EPHA6: variants seen among roughly 807,000 people sequenced by gnomAD.
EPHA6 encodes ephrin type-A receptor 6.
In EPHA6, 50 loss-of-function variants were observed where a neutral mutation model predicts 112.0. The ratio of observed to expected loss-of-function variants is 0.45; its 90% CI spans 0.36 to 0.56. The LOEUF is 0.56. Among genes scored for constraint, EPHA6 ranks in the 20% least tolerant of loss-of-function variants. EPHA6 has a pLI of 0.00. For synonymous variants in EPHA6, 529 were observed against 490.7 expected (o/e 1.08, Z -1.03); for missense variants, 1,280 against 1,417.4 (o/e 0.90, Z 1.56).
At chr3:97,294,766 G>A (rs937138783) in intron 5 of EPHA6, among the ~76,000 whole-genome samples, 2 of 152,092 alleles carry the variant, frequency 1.3e-5, no homozygotes, top group Admixed American at 6.5e-5. Flanking sequence ...TAGGACTTAA[G>A]CATTTATTAT....
At chr3:97,535,234 A>C (rs1280670375) in intron 11 of EPHA6, among the ~76,000 whole-genome samples, 2 of 151,764 alleles carry the variant, frequency 1.3e-5, no homozygotes, top group Non-Finnish European at 2.9e-5. Flanking sequence ...TAAGAATCTC[A>C]TCTAGAAATG....
At chr3:96,947,924 A>G (rs1391553953) in intron 2 of EPHA6, among the ~76,000 whole-genome samples, 1 of 152,182 alleles carries the variant, frequency 6.6e-6, no homozygotes, top group South Asian at 2.1e-4. Flanking sequence ...GACCCGAAAG[A>G]GAGCCTGCAT....
At chr3:97,187,193 A>T (rs1233719174) in intron 3 of EPHA6, among the ~76,000 whole-genome samples, 2 of 152,112 alleles carry the variant, frequency 1.3e-5, no homozygotes, top group Non-Finnish European at 2.9e-5. Context: ...AGATTTAAGG[A>T]TCAGTTCTTT....
chr3:97,272,580 G>A (rs555188503), intron 5 of EPHA6, among the ~76,000 whole-genome samples: 2 of 152,190 alleles, frequency 1.3e-5, no homozygotes, highest in South Asian at 4.1e-4. Context: ...AGGGAGCTAG[G>A]GGTAAGGCCG....
intron 5 of EPHA6, among the ~76,000 whole-genome samples, chr3:97,376,734 T>A (rs967111244): frequency 6.6e-6 from 1 of 152,176 alleles, no homozygotes; most frequent in Admixed American, 6.5e-5. Flanking sequence ...ATTGAGGGAT[T>A]TATACTCAAC....
At chr3:97,428,320 G>A (rs1351874549) in intron 6 of EPHA6, among the ~76,000 whole-genome samples, 1 of 152,122 alleles carries the variant, frequency 6.6e-6, no homozygotes, top group Non-Finnish European at 1.5e-5. Flanking sequence ...TTTGAAAGAG[G>A]GAGGAGACTG....
At chr3:97,475,615 C>G (rs1374570928) in intron 8 of EPHA6, among the ~76,000 whole-genome samples, 155 bp downstream of exon 8, 2 of 152,142 alleles carry the variant, frequency 1.3e-5, no homozygotes, top group Non-Finnish European at 2.9e-5. Context: ...CATTAGTTCT[C>G]TGTTTCAACA....
chr3:97,267,438 G>A (rs1027024115), intron 5 of EPHA6, among the ~76,000 whole-genome samples: 1 of 151,976 alleles, frequency 6.6e-6, no homozygotes, highest in African/African-American at 2.4e-5. Flanking sequence ...CAATAGAAAG[G>A]AAGGAAGGAA....
chr3:97,114,953 G>T (rs551257513), intron 3 of EPHA6, among the ~76,000 whole-genome samples: 1 of 152,052 alleles, frequency 6.6e-6, no homozygotes, highest in Non-Finnish European at 1.5e-5. Context: ...GGAAAATAAA[G>T]TTAATGAAGG....
At chr3:97,352,980 A>G (rs1052159934) in intron 5 of EPHA6, among the ~76,000 whole-genome samples, 9 of 152,088 alleles carry the variant, frequency 5.9e-5, no homozygotes, top group Admixed American at 5.9e-4. Context: ...AAAATAGGGC[A>G]CCAGGCAGAG....
chr3:97,677,746 G>C (rs377389097), intron 14 of EPHA6, among the ~76,000 whole-genome samples: 1 of 130,392 alleles, frequency 7.7e-6, no homozygotes, highest in Non-Finnish European at 1.6e-5. Context: ...AAAAAAAAAA[G>C]ATGTGGTTGT....
At chr3:97,509,319 G>A (rs768367014) in intron 10 of EPHA6, among the ~76,000 whole-genome samples, 14 of 152,082 alleles carry the variant, frequency 9.2e-5, no homozygotes, top group South Asian at 8.3e-4. Flanking sequence ...TGCAGTGGCC[G>A]GTACCGGTTG....
At chr3:97,643,455 T>A (rs2094028152) in intron 14 of EPHA6, among the ~76,000 whole-genome samples, 1 of 151,648 alleles carries the variant, frequency 6.6e-6, no homozygotes, top group South Asian at 2.1e-4. Flanking sequence ...TAACTTTAAA[T>A]GTAAATGGAC....
chr3:97,298,494 C>G (rs1053078884), intron 5 of EPHA6, among the ~76,000 whole-genome samples: 1 of 152,122 alleles, frequency 6.6e-6, no homozygotes, highest in South Asian at 2.1e-4. Context: ...ACAGCTACTC[C>G]CTTACTTGAC....
At chr3:97,097,549 C>CT (rs201807805) in intron 3 of EPHA6, among the ~76,000 whole-genome samples, 3,204 of 146,898 alleles carry the variant, frequency 0.022, 34 homozygotes, top group Middle Eastern at 0.056. Context: ...CACATTGGTT[C>CT]TTTTTTTTTT....
chr3:96,917,691 C>T (rs1032708068), intron 2 of EPHA6, among the ~76,000 whole-genome samples: 8 of 151,994 alleles, frequency 5.3e-5, no homozygotes, highest in African/African-American at 1.4e-4. Flanking sequence ...CCTAAAAGCA[C>T]CCAGAAGCAA....
chr3:97,642,167 C>T (rs2094013603), intron 14 of EPHA6, among the ~76,000 whole-genome samples: 3 of 114,910 alleles, frequency 2.6e-5, no homozygotes, highest in South Asian at 6.1e-4. Flanking sequence ...GAGGCACCCC[C>T]CAGCAGGGGC....
At chr3:97,350,512 A>G (rs1661085933) in intron 5 of EPHA6, among the ~76,000 whole-genome samples, 1 of 152,194 alleles carries the variant, frequency 6.6e-6, no homozygotes, top group Admixed American at 6.5e-5. Context: ...AAAGTAAATT[A>G]AAACTATTTA....
chr3:97,028,858 T>G lies in EPHA6; in HGVS notation c.1114+40865T>G, dbSNP rs553615571. 1.2e-3 allele frequency among the ~76,000 whole-genome samples: 184 copies of G among 152,124 alleles called. 1 individual carries two copies. The highest frequency in any genetic ancestry group is 4.2e-3 in the African/African-American group (175 of 41,568). ...TCATTTGATAATTTTTGTTTAATTCTTGATCTGTTAAATGTTTTTAAGTGT... is the reference window on the plus strand; with the variant it reads ...TCATTTGATAATTTTTGTTTAATTCGTGATCTGTTAAATGTTTTTAAGTGT... On this transcript the variant is annotated intron_variant, in intron 3 of 17. Coordinates refer to ENST00000389672, the MANE Select transcript of EPHA6 (RefSeq NM_001080448.3).
Sources: allele counts gnomAD v4.1 joint callset (sites outside exome capture counted in the v4.1 genomes callset), GRCh38; gene constraint gnomAD v4.1.1; transcripts MANE v1.5; gene names NCBI Gene and HGNC (gene_info 2026-07-23, HGNC 2026-07-21).